NRK: variants seen among roughly 807,000 people sequenced by gnomAD.
NRK encodes the protein Nik related kinase.
In NRK, 67 loss-of-function variants were observed where a neutral mutation model predicts 125.2. The ratio of observed to expected loss-of-function variants is 0.54; its 90% CI spans 0.44 to 0.66. NRK has a LOEUF of 0.66. Among genes scored for constraint, NRK ranks in the 30% least tolerant of loss-of-function variants. The pLI, the probability that NRK is intolerant of heterozygous loss-of-function variation, is 0.00. For synonymous variants in NRK, 458 were observed against 429.0 expected (o/e 1.07, Z -0.84); for missense variants, 1,224 against 1,192.9 (o/e 1.03, Z -0.38).
chrX:105,903,118 T>C (rs1021499289), intron 9 of NRK, among the ~76,000 whole-genome samples: 1 of 111,560 alleles, frequency 9.0e-6, no homozygotes, highest in Non-Finnish European at 1.9e-5. Flanking sequence ...CTATCTTTTA[T>C]AGAAAAGATA....
chrX:105,939,892 G>A lies in NRK; in HGVS notation c.3818G>A (p.Arg1273Gln), dbSNP rs765951003. The change falls in exon 23 of 29, where the codon CGG becomes CAG. Residue 1273 changes from arginine to glutamine, a missense_variant. By Grantham distance (43) the Arg-to-Gln change is conservative (BLOSUM62 1). Transcript: ENST00000243300. ...CTATCAGGTCATAAGAACAGACTTC[G>A]GGTGTATCATCTGACCTGGTTGAGG... ...ITISGHKNRL[R>Q]VYHLTWLRNK... The A allele has an allele frequency of 8.5e-6, 10 of 1,176,994 alleles. No individual in the cohort carries two copies. Among genetic ancestry groups the A allele is most frequent in the South Asian group, 3.7e-5 (2 of 54,697 alleles).
chrX:105,944,101 A>G, intron 24 of NRK, 60 bp downstream of exon 24: 1 of 581,034 alleles, frequency 1.7e-6, no homozygotes, highest in Non-Finnish European at 2.7e-6. Context: ...GAAATTGTGA[A>G]CAGAATCGTA....
intron 1 of NRK, among the ~76,000 whole-genome samples, chrX:105,830,843 G>C (rs904425871): frequency 1.1e-5 from 1 of 94,918 alleles, no homozygotes. Flanking sequence ...GTAGGGGGAG[G>C]GGGGAGGGAT....
At chrX:105,844,909 C>T (rs1195211845) in intron 2 of NRK, among the ~76,000 whole-genome samples, 2 of 111,876 alleles carry the variant, frequency 1.8e-5, no homozygotes, top group African/African-American at 6.5e-5. Context: ...TAGTAATGTG[C>T]TTCCAGCTCC....
At chrX:105,934,038 A>G (rs2040629348) in intron 19 of NRK, among the ~76,000 whole-genome samples, 1 of 111,663 alleles carries the variant, frequency 9.0e-6, no homozygotes, top group African/African-American at 3.3e-5. Context: ...TTGGGAACCT[A>G]TAGCTCCTTG....
At chrX:105,944,091 G>A (rs770904311) in intron 24 of NRK, 50 bp downstream of exon 24, 17 of 652,758 alleles carry the variant, frequency 2.6e-5, no homozygotes, top group Non-Finnish European at 3.1e-5. Context: ...ATTTTGAGAA[G>A]AAATTGTGAA....
intron 2 of NRK, among the ~76,000 whole-genome samples, chrX:105,874,466 C>G (rs16984861): frequency 0.12 from 12,845 of 111,174 alleles, 1,811 homozygotes; most frequent in African/African-American, 0.4. Flanking sequence ...ATTCTGGGTC[C>G]CCAGTGTAAA....
intron 2 of NRK, among the ~76,000 whole-genome samples, chrX:105,861,912 A>T (rs780846782): frequency 9.0e-6 from 1 of 110,849 alleles, no homozygotes; most frequent in South Asian, 3.8e-4. Context: ...CAAAAAAAAA[A>T]ATTAGCCGGG....
At chrX:105,916,014 G>A (rs1423144291) in intron 15 of NRK, among the ~76,000 whole-genome samples, 1 of 110,641 alleles carries the variant, frequency 9.0e-6, no homozygotes, top group African/African-American at 3.3e-5. Context: ...GTGATATTTA[G>A]TTTGCTAAAT....
At chrX:105,947,810 G>C (rs1032429220) in intron 26 of NRK, among the ~76,000 whole-genome samples, 1 of 112,118 alleles carries the variant, frequency 8.9e-6, no homozygotes, top group African/African-American at 3.2e-5. Context: ...TCTCAGAATT[G>C]TCTCATATGT....
rs779488637 is a variant in NRK at position 105,908,961 on chromosome X, A to G, written c.1320A>G (p.Gln440=). 1 of 1,207,350 alleles carries G rather than the reference A, an allele frequency of 8.3e-7. No homozygotes were observed. The highest frequency in any genetic ancestry group is 2.2e-5 in the Admixed American group (1 of 45,668). Residue 440 remains glutamine, a synonymous_variant, in exon 13 of 29, where the codon CAA becomes CAG. Coordinates refer to ENST00000243300, the MANE Select transcript of NRK (RefSeq NM_198465.4). The stretch of plus-strand genomic sequence containing the variant: ...AGGCTCAGGCACCTCAACGACTACA[A>G]GGGGCAGCTCGGGTGTTCATGCCAC... ...KGQAQAPQRL[Q]GAARVFMPLQ...
At chrX:105,901,622 T>C (rs1479170029) in intron 9 of NRK, among the ~76,000 whole-genome samples, 5 of 110,605 alleles carry the variant, frequency 4.5e-5, no homozygotes, top group African/African-American at 1.3e-4. Context: ...ATGAGAGGAA[T>C]TTCAAGAAAT....
intron 19 of NRK, among the ~76,000 whole-genome samples, chrX:105,932,758 C>G (rs1328071769): frequency 9.0e-6 from 1 of 110,899 alleles, no homozygotes; most frequent in South Asian, 3.9e-4. Flanking sequence ...GAAGGCTGCC[C>G]CCTCACCTCT....
intron 2 of NRK, among the ~76,000 whole-genome samples, chrX:105,847,514 G>A (rs1043993306): frequency 2.1e-4 from 24 of 111,983 alleles, no homozygotes; most frequent in Admixed American, 9.5e-5. Flanking sequence ...CATGCCCAGT[G>A]CACAATATAG....
intron 11 of NRK, among the ~76,000 whole-genome samples, chrX:105,906,863 C>T (rs1056049687): frequency 1.9e-5 from 2 of 104,311 alleles, no homozygotes; most frequent in Non-Finnish European, 3.9e-5. Flanking sequence ...TTATGAAGAC[C>T]TTGAAAGCAT....
chrX:105,891,782 C>A (rs1359278278), intron 5 of NRK, among the ~76,000 whole-genome samples: 2 of 111,699 alleles, frequency 1.8e-5, no homozygotes, highest in Non-Finnish European at 1.9e-5. Context: ...TTGAGAACCA[C>A]CAAATTTATA....
rs1415454317 is a variant in NRK, at chrX:105,875,880, G to A, written c.124-4319G>A. ...GTATTTAAGCAGCAGTTGCTTTTAC[G>A]ATAAGAATGAGAGCTAAGAGAATTT... On this transcript the variant is annotated intron_variant, in intron 2 of 28. Transcript: ENST00000243300. 6.3e-5 allele frequency among the ~76,000 whole-genome samples: 7 copies of A among 110,865 alleles called. No individual in the cohort carries two copies. The Admixed American group carries it at 6.8e-4, about 11-fold the overall frequency.
At chrX:105,828,883 G>A (rs1385700833) in intron 1 of NRK, among the ~76,000 whole-genome samples, 1 of 111,753 alleles carries the variant, frequency 8.9e-6, no homozygotes, top group African/African-American at 3.3e-5. Flanking sequence ...CATGTTCGTT[G>A]GGAGTATATT....
chrX:105,915,330 C>T (rs2040352341), intron 14 of NRK, among the ~76,000 whole-genome samples: 1 of 110,549 alleles, frequency 9.0e-6, no homozygotes, highest in East Asian at 2.8e-4. Context: ...GAAGTTTAAA[C>T]TTGATATAAA....
Sources: gnomAD v4.1 joint callset for allele counts (sites outside exome capture counted in the v4.1 genomes callset) on GRCh38, gnomAD v4.1.1 for gene constraint, MANE v1.5 for transcripts, NCBI Gene and HGNC (gene_info 2026-07-23, HGNC 2026-07-21) for gene names.